The following FGGY variants were observed in gnomAD, a reference collection of about 807,000 sequenced individuals.
FGGY encodes FGGY carbohydrate kinase domain-containing protein.
Under a neutral mutation model 71.3 loss-of-function variants are expected in FGGY, and 72 were observed. That is an observed-to-expected ratio of 1.01 (90% confidence interval 0.84 to 1.23). The LOEUF (loss-of-function observed/expected upper bound fraction) is 1.23, where lower values mean the gene tolerates loss of function less well. FGGY is among the 50% of genes most tolerant of loss of function. FGGY has a pLI of 0.00. For missense variants in FGGY, 668 were observed against 682.3 expected (o/e 0.98, Z 0.23); for synonymous variants, 251 against 250.3 (o/e 1.00, Z -0.02).
At chr1:59,588,260 A>C (rs1571725484) in intron 8 of FGGY, among the ~76,000 whole-genome samples, 1 of 152,124 alleles carries the variant, frequency 6.6e-6, no homozygotes, top group East Asian at 1.9e-4. Context: ...AATAAAAAGA[A>C]ACGAACAAAG....
Position 59,505,033 on chromosome 1 carries a change from A to G in FGGY, c.671-7278A>G, listed in dbSNP as rs1038073984. Among the ~76,000 whole-genome samples the G allele has an allele frequency of 1.1e-4, 16 of 152,218 alleles. No individual in the cohort carries two copies. The East Asian group carries it at 3.1e-3, about 29-fold the overall frequency. On this transcript the variant is annotated intron_variant, in intron 6 of 15. Transcript: ENST00000303721. ...AGAGAGATCGAGGTATAAATAGGGG[A>G]AAAAATAAAACACAACGTAAGGGTC...
intron 14 of FGGY, among the ~76,000 whole-genome samples, chr1:59,675,853 G>T (rs905387044): frequency 6.6e-5 from 10 of 152,066 alleles, no homozygotes; most frequent in Admixed American, 5.9e-4. Context: ...CAATGTGATG[G>T]TATATGGAGG....
At chr1:59,736,013 TG>T (rs1458775229) in intron 14 of FGGY, among the ~76,000 whole-genome samples, 2 of 152,128 alleles carry the variant, frequency 1.3e-5, no homozygotes, top group African/African-American at 4.8e-5. Context: ...AACTGAATCA[TG>T]GGGGCAGGTC....
chr1:59,300,927 C>T (rs972671432), intron 1 of FGGY, among the ~76,000 whole-genome samples: 1 of 151,930 alleles, frequency 6.6e-6, no homozygotes, highest in Non-Finnish European at 1.5e-5. Flanking sequence ...TAATTTTGTT[C>T]TTTTTAAAAT....
In FGGY at chr1:59,372,992, A is replaced by G. The variant is rs186149769; in HGVS notation, c.466-5757A>G. Among the ~76,000 whole-genome samples, 3 of 152,174 alleles carry G rather than the reference A, an allele frequency of 2.0e-5. No individual in the cohort carries two copies. In the South Asian group the frequency reaches 6.2e-4, roughly 31 times the overall value. ...AAAACTGGAAGCATTCCATTTGAAAACTGGCACAAGACAGGGATGCCCTCT... is the reference window on the plus strand; with the variant it reads ...AAAACTGGAAGCATTCCATTTGAAAGCTGGCACAAGACAGGGATGCCCTCT... On this transcript the variant is annotated intron_variant, in intron 4 of 15. Transcript: ENST00000303721.
chr1:59,450,522 T>C (rs1157538238), intron 5 of FGGY, among the ~76,000 whole-genome samples: 1 of 152,152 alleles, frequency 6.6e-6, no homozygotes, highest in East Asian at 1.9e-4. Flanking sequence ...CCTCCTCCTA[T>C]ATGAGTATAC....
chr1:59,700,733 T>G (rs2097702921), intron 14 of FGGY, among the ~76,000 whole-genome samples: 1 of 152,124 alleles, frequency 6.6e-6, no homozygotes, highest in Admixed American at 6.5e-5. Context: ...CAACAAGTAA[T>G]ATTGATTTCA....
intron 6 of FGGY, among the ~76,000 whole-genome samples, chr1:59,503,737 C>A (rs2153613438): frequency 6.6e-6 from 1 of 150,616 alleles, no homozygotes; most frequent in East Asian, 1.9e-4. Flanking sequence ...TAGCAGGAAT[C>A]ATGGGTGAAA....
chr1:59,302,200 T>G (rs2042862696), intron 1 of FGGY, among the ~76,000 whole-genome samples: 1 of 152,194 alleles, frequency 6.6e-6, no homozygotes, highest in Non-Finnish European at 1.5e-5. Flanking sequence ...TGAAGAATTT[T>G]TGTATCCATC....
intron 8 of FGGY, among the ~76,000 whole-genome samples, chr1:59,596,212 G>A (rs968246928): frequency 6.6e-6 from 1 of 151,126 alleles, no homozygotes; most frequent in African/African-American, 2.4e-5. Flanking sequence ...TTTTTAACAT[G>A]AGGCTCACTT....
At chr1:59,324,350 C>T (rs1043777514) in intron 2 of FGGY, among the ~76,000 whole-genome samples, 1 of 135,610 alleles carries the variant, frequency 7.4e-6, no homozygotes, top group Non-Finnish European at 1.5e-5. Context: ...GATCTCGGCT[C>T]ACTGCAAGCT....
chr1:59,652,004 A>T (rs1238972659), intron 11 of FGGY, among the ~76,000 whole-genome samples: 1 of 147,422 alleles, frequency 6.8e-6, no homozygotes, highest in Admixed American at 6.7e-5. Flanking sequence ...TTTCTCCTTC[A>T]CTTATGAAGC....
chr1:59,743,878 G>A (rs1029830717), intron 14 of FGGY, among the ~76,000 whole-genome samples: 2 of 152,136 alleles, frequency 1.3e-5, no homozygotes, highest in African/African-American at 2.4e-5. Flanking sequence ...ATTAACCACA[G>A]GCATCAGCTG....
At chr1:59,346,200 A>G (rs1182811451) in intron 3 of FGGY, 47 bp from the exon 4 acceptor site, 3 of 1,604,544 alleles carry the variant, frequency 1.9e-6, no homozygotes, top group Non-Finnish European at 2.6e-6. Context: ...TTGAATTAGA[A>G]GGAAGAGAAT....
chr1:59,533,107 A>G (rs968183211), intron 7 of FGGY, among the ~76,000 whole-genome samples: 67 of 151,724 alleles, frequency 4.4e-4, no homozygotes, highest in Non-Finnish European at 8.4e-4. Flanking sequence ...GGTTCATCTC[A>G]CTAGGGAGTG....
intron 5 of FGGY, among the ~76,000 whole-genome samples, chr1:59,440,061 T>C (rs1360410844): frequency 7.2e-6 from 1 of 138,340 alleles, no homozygotes; most frequent in African/African-American, 2.7e-5. Flanking sequence ...TTATAAGACA[T>C]AATTTATTTG....
intron 6 of FGGY, among the ~76,000 whole-genome samples, chr1:59,481,521 A>C (rs2093467645): frequency 6.6e-6 from 1 of 152,110 alleles, no homozygotes; most frequent in Non-Finnish European, 1.5e-5. Flanking sequence ...GGGAATCAAG[A>C]GGGGAGTAAA....
intron 11 of FGGY, among the ~76,000 whole-genome samples, chr1:59,651,072 T>C (rs1400695016): frequency 6.6e-6 from 1 of 151,536 alleles, no homozygotes; most frequent in African/African-American, 2.5e-5. Flanking sequence ...TGAGTGAGAT[T>C]CTTAATCCTG....
At chr1:59,463,712 A>G (rs2092420272) in intron 6 of FGGY, among the ~76,000 whole-genome samples, 1 of 151,468 alleles carries the variant, frequency 6.6e-6, no homozygotes, top group South Asian at 2.1e-4. Flanking sequence ...AGGGGTTGCA[A>G]TCCTTGTCTC....
Sources: gnomAD v4.1 joint callset for allele counts (sites outside exome capture counted in the v4.1 genomes callset) on GRCh38, gnomAD v4.1.1 for gene constraint, MANE v1.5 for transcripts, NCBI Gene and HGNC (gene_info 2026-07-23, HGNC 2026-07-21) for gene names.